The following TIAM2 variants were observed in gnomAD, a reference collection of about 807,000 sequenced individuals.
TIAM2 encodes the protein rho guanine nucleotide exchange factor TIAM2.
TIAM2 carries 80 observed loss-of-function variants against 152.9 expected under a neutral mutation model. The ratio of observed to expected loss-of-function variants is 0.52; its 90% CI spans 0.44 to 0.63. The LOEUF (loss-of-function observed/expected upper bound fraction) is 0.63. Ranked by LOEUF, TIAM2 falls within the 30% of genes least tolerant of loss-of-function variation. The pLI is 0.00. For synonymous variants in TIAM2, 804 were observed against 838.0 expected (o/e 0.96, Z 0.70); for missense variants, 1,965 against 2,120.1 (o/e 0.93, Z 1.44).
At chr6:155,226,666 G>T in intron 15 of TIAM2, among the ~76,000 whole-genome samples, 1 of 148,492 alleles carries the variant, frequency 6.7e-6, no homozygotes, top group African/African-American at 2.5e-5. Flanking sequence ...ACTGCATCTC[G>T]GGTGGGGGCG....
chr6:155,078,137 T>C (rs1388113732), intron 1 of TIAM2, among the ~76,000 whole-genome samples: 1 of 152,094 alleles, frequency 6.6e-6, no homozygotes, highest in African/African-American at 2.4e-5. Context: ...CGGCTCCTCC[T>C]GGGCTCAAGT....
chr6:155,042,404 T>C (rs1777068123), intron 1 of TIAM2, among the ~76,000 whole-genome samples: 1 of 152,102 alleles, frequency 6.6e-6, no homozygotes, highest in South Asian at 2.1e-4. Context: ...GAGACCAGCC[T>C]GGGCAACATG....
intron 5 of TIAM2, among the ~76,000 whole-genome samples, chr6:155,140,909 A>G (rs1413023643): frequency 6.6e-6 from 1 of 152,178 alleles, no homozygotes; most frequent in Non-Finnish European, 1.5e-5. Context: ...TACTGACCAC[A>G]TTTGTCCAGA....
At chr6:155,017,506 C>CTT (rs35552958) in intron 1 of TIAM2, among the ~76,000 whole-genome samples, 85,667 of 128,940 alleles carry the variant, frequency 0.66, 29,175 homozygotes, top group African/African-American at 0.71. Flanking sequence ...TCCATTTTGT[C>CTT]TTTTTTTTTT....
At chr6:155,008,745 C>G (rs1778439384) in intron 1 of TIAM2, among the ~76,000 whole-genome samples, 1 of 152,126 alleles carries the variant, frequency 6.6e-6, no homozygotes, top group Non-Finnish European at 1.5e-5. Flanking sequence ...TTGAATTATT[C>G]CTTGAAACTC....
intron 2 of TIAM2, among the ~76,000 whole-genome samples, chr6:155,111,849 T>C (rs756304106): frequency 5.9e-5 from 9 of 152,110 alleles, no homozygotes; most frequent in Non-Finnish European, 1.3e-4. Flanking sequence ...TCCTCTCTGC[T>C]CCCCTTTATA....
At chr6:155,157,962 G>A (rs1323257965) in intron 7 of TIAM2, among the ~76,000 whole-genome samples, 3 of 152,234 alleles carry the variant, frequency 2.0e-5, no homozygotes, top group African/African-American at 4.8e-5. Context: ...GAACAAAACC[G>A]AATCTCTCTA....
chr6:155,177,033 C>T, intron 10 of TIAM2, 56 bp downstream of exon 10: 1 of 1,539,002 alleles, frequency 6.5e-7, no homozygotes, highest in Non-Finnish European at 8.8e-7. Flanking sequence ...ATTAATGTTG[C>T]AATCTTATGC....
chr6:155,176,850 T>C lies in TIAM2; in HGVS notation c.2396T>C (p.Val799Ala), dbSNP rs941647263. ...DELLHIYGSTVDGVPRDNAWE... is the reference protein window; with the variant it reads ...DELLHIYGSTADGVPRDNAWE... ...CTTCTGCATATATATGGTTCAACAG[T>C]AGACGGTGTTCCCCGAGACAATGCA... The change falls in exon 10 of 27, where the codon GTA (valine) becomes GCA (alanine). Residue 799 changes from valine (V) to alanine (A), a missense_variant. Val to Ala is a moderately conservative substitution (Grantham distance 64). Coordinates refer to ENST00000682666, the MANE Select transcript of TIAM2 (RefSeq NM_012454.4). The C allele has an allele frequency of 8.1e-6, 13 of 1,613,874 alleles. 1 individual carries two copies. The highest frequency in any genetic ancestry group is 1.3e-5 in the African/African-American group (1 of 74,928).
At chr6:155,146,108 G>GTTT (rs1469300420) in intron 6 of TIAM2, among the ~76,000 whole-genome samples, 2 of 152,136 alleles carry the variant, frequency 1.3e-5, no homozygotes, top group Non-Finnish European at 2.9e-5. Flanking sequence ...AGTTTTGAGA[G>GTTT]TTTTCCCGCC....
In TIAM2 at chr6:154,995,687, C is replaced by T. The variant is rs981204483; in HGVS notation, c.-209+195C>T. Among the ~76,000 whole-genome samples, 1 of 151,772 alleles carries T rather than the reference C, an allele frequency of 6.6e-6. No individual in the cohort carries two copies. Among genetic ancestry groups the T allele is most frequent in the African/African-American group, 2.4e-5 (1 of 41,348 alleles). On this transcript the variant is annotated intron_variant, in intron 1 of 26. Coordinates refer to ENST00000682666, the MANE Select transcript of TIAM2 (RefSeq NM_012454.4). This position sits in a 1 kb window ranked among gnomAD's most constrained non-coding sequence, Gnocchi z 5.2. ...GCTGCGGGGCGCGGCCTGGCACCCT[C>T]TCCCCGGAGGGCGGCAGCGTCCGGG...
intron 1 of TIAM2, among the ~76,000 whole-genome samples, chr6:154,999,607 T>C (rs1413125691): frequency 1.3e-5 from 2 of 152,218 alleles, no homozygotes; most frequent in African/African-American, 4.8e-5. Context: ...AATCACTAAG[T>C]TTGTCTGAAA....
In TIAM2 at chr6:155,144,770, CT is replaced by C; in HGVS notation, c.1799del (p.Phe600SerfsTer9). On this transcript the variant is annotated frameshift_variant, in exon 6 of 27. Transcript: ENST00000682666. LOFTEE classifies it high-confidence loss of function. ...CAGCAACTCCTTTGGAGATGTCTAC[CT>C]TTTCCAGGTACTGCTGGTACTTTGT... Reference protein sequence around the residue: ...CLSNSFGDVYLFQATSQTDLE... With the variant: ...CLSNSFGDVYXFQATSQTDLE... 1 of 1,608,944 alleles carries C rather than the reference CT, an allele frequency of 6.2e-7. No individual in the cohort carries two copies. The highest frequency in any genetic ancestry group is 1.7e-5 in the Admixed American group (1 of 59,124).
intron 14 of TIAM2, among the ~76,000 whole-genome samples, chr6:155,193,522 C>A (rs546366022): frequency 6.6e-6 from 1 of 152,158 alleles, no homozygotes; most frequent in Admixed American, 6.5e-5. Flanking sequence ...CTACCAATAC[C>A]GTCAGGCTCA....
At chr6:155,060,781 G>A (rs1393962042) in intron 1 of TIAM2, among the ~76,000 whole-genome samples, 1 of 152,188 alleles carries the variant, frequency 6.6e-6, no homozygotes, top group African/African-American at 2.4e-5. Flanking sequence ...TGTTACCCCA[G>A]CTACTTGGGA....
chr6:155,097,924 A>C (rs1778454165), intron 2 of TIAM2, among the ~76,000 whole-genome samples: 1 of 152,032 alleles, frequency 6.6e-6, no homozygotes. Context: ...TCCTTTCCCC[A>C]TTGTATATTC....
At chr6:155,120,002 A>G (rs9371864) in intron 2 of TIAM2, among the ~76,000 whole-genome samples, 62,064 of 152,096 alleles carry the variant, frequency 0.41, 14,767 homozygotes, top group African/African-American at 0.64. Flanking sequence ...ATGGGCCACG[A>G]CCCACGGCTT....
At chr6:155,019,401 C>T (rs747511846) in intron 1 of TIAM2, among the ~76,000 whole-genome samples, 6 of 151,970 alleles carry the variant, frequency 3.9e-5, no homozygotes, top group African/African-American at 1.2e-4. Flanking sequence ...ATCAGTTGAT[C>T]GAATAGTGAA....
At chr6:155,046,349 T>A (rs1026809713) in intron 1 of TIAM2, among the ~76,000 whole-genome samples, 3 of 145,510 alleles carry the variant, frequency 2.1e-5, no homozygotes, top group Non-Finnish European at 4.5e-5. Context: ...TTTTTTTTTT[T>A]TTTTTGAGAT....
Sources: gnomAD v4.1 joint callset for allele counts (sites outside exome capture counted in the v4.1 genomes callset) on GRCh38, gnomAD v4.1.1 for gene constraint, Gnocchi (gnomAD v3.1) non-coding constraint, MANE v1.5 for transcripts, NCBI Gene and HGNC (gene_info 2026-07-23, HGNC 2026-07-21) for gene names.